The following PDLIM5 variants were observed in gnomAD, a reference collection of about 807,000 sequenced individuals.
PDLIM5 encodes PDZ and LIM domain protein 5.
A neutral mutation model predicts 64.2 loss-of-function variants in PDLIM5; 34 were observed. The ratio of observed to expected loss-of-function variants is 0.53; its 90% CI spans 0.40 to 0.71. The LOEUF is 0.71. Ranked by LOEUF, PDLIM5 falls within the 30% of genes least tolerant of loss-of-function variation. The pLI is 0.00. For synonymous variants in PDLIM5, 253 were observed against 269.1 expected, an observed-to-expected ratio of 0.94 and a Z score of 0.59; for missense variants, 683 against 733.6, an observed-to-expected ratio of 0.93 and a Z score of 0.80.
chr4:94,581,404 T>C (rs1169404946), intron 5 of PDLIM5, among the ~76,000 whole-genome samples: 1 of 152,180 alleles, frequency 6.6e-6, no homozygotes, highest in Non-Finnish European at 1.5e-5. Flanking sequence ...TGTTTAAATA[T>C]ACATCTAAAA....
Position 94,610,080 on chromosome 4 carries a change from G to A in PDLIM5, c.921-7924G>A, listed in dbSNP as rs571389063. ...AATGCTTAGATATTAATATGAAATG[G>A]TTGCTCTCTTGTATTTATTATGCTA... On this transcript the variant is annotated intron_variant, in intron 7 of 12. Transcript: ENST00000317968. 1.0e-4 allele frequency: 72 copies of A among 719,666 alleles called. No individual in the cohort carries two copies. In the East Asian group the frequency reaches 2.0e-3, roughly 20 times the overall value. The allele number at this position is 719,666 out of a possible 1,614,324, so 44.6% of individuals were successfully genotyped here.
intron 3 of PDLIM5, among the ~76,000 whole-genome samples, chr4:94,549,207 C>T (rs575622658): frequency 1.4e-4 from 21 of 152,230 alleles, no homozygotes; most frequent in Non-Finnish European, 2.2e-4. Context: ...GACATAATGC[C>T]TGCAAGTGTC....
At chr4:94,461,524 G>GTTT (rs10659138) in intron 2 of PDLIM5, among the ~76,000 whole-genome samples, 66 of 149,952 alleles carry the variant, frequency 4.4e-4, no homozygotes, top group African/African-American at 5.4e-4. Flanking sequence ...TTATTAAGAG[G>GTTT]TTTTTTTTTT....
intron 2 of PDLIM5, among the ~76,000 whole-genome samples, chr4:94,499,100 T>C (rs1375441187): frequency 2.6e-5 from 4 of 152,168 alleles, no homozygotes; most frequent in African/African-American, 4.8e-5. Flanking sequence ...ATAAGATTGG[T>C]TAGACCAAAT....
chr4:94,659,008 C>T (rs1191734998), intron 11 of PDLIM5, among the ~76,000 whole-genome samples: 1 of 152,148 alleles, frequency 6.6e-6, no homozygotes, highest in Non-Finnish European at 1.5e-5. Context: ...ATAAAACAGT[C>T]TAGCCTTAAT....
chr4:94,633,844 A>T (rs1243802548), intron 8 of PDLIM5, among the ~76,000 whole-genome samples: 2 of 152,170 alleles, frequency 1.3e-5, no homozygotes, highest in Non-Finnish European at 2.9e-5. Context: ...TTTGTATAGG[A>T]TGGTCCAGGA....
chr4:94,518,516 A>T (rs571563316), intron 2 of PDLIM5, among the ~76,000 whole-genome samples: 48 of 152,308 alleles, frequency 3.2e-4, no homozygotes, highest in Admixed American at 1.4e-3. Flanking sequence ...GGAACATTGT[A>T]TGTGGAGGCT....
chr4:94,574,313 C>T (rs1311653858), intron 4 of PDLIM5, among the ~76,000 whole-genome samples: 2 of 152,046 alleles, frequency 1.3e-5, no homozygotes, highest in East Asian at 1.9e-4. Context: ...GCCTGGCCAA[C>T]ATGGTGATAC....
chr4:94,526,926 A>C (rs1730414283), intron 3 of PDLIM5, among the ~76,000 whole-genome samples: 1 of 147,814 alleles, frequency 6.8e-6, no homozygotes, highest in Non-Finnish European at 1.5e-5. Context: ...GTAGAGATGG[A>C]GTTTCGTCAT....
intron 7 of PDLIM5, among the ~76,000 whole-genome samples, chr4:94,612,517 T>C (rs1045625073): frequency 7.2e-5 from 11 of 152,278 alleles, no homozygotes; most frequent in Admixed American, 1.3e-4. Flanking sequence ...CTATAGATCC[T>C]CTCTCCAGAA....
chr4:94,495,703 G>GC (rs1578252095), intron 2 of PDLIM5, among the ~76,000 whole-genome samples: 1 of 152,162 alleles, frequency 6.6e-6, no homozygotes, highest in Admixed American at 6.6e-5. Context: ...GAGGGAGGAG[G>GC]CCCCCAGTGA....
chr4:94,664,215 C>A lies in PDLIM5; in HGVS notation c.*148C>A, dbSNP rs937990374. 44 of 1,212,030 alleles carry A rather than the reference C, an allele frequency of 3.6e-5. No individual in the cohort carries two copies. In the African/African-American group the frequency reaches 6.6e-4, roughly 18 times the overall value. The allele number at this position is 1,212,030 out of a possible 1,614,324, so 75.1% of individuals were successfully genotyped here. A position where few individuals can be genotyped will look rare whatever the true frequency, so the allele number is the denominator to read the frequency against. ...TAAATTCCAGCTTTAAAAACCAAGT[C>A]TGAGGAAATATTTGGCTTCATAAAG... is the stretch of plus-strand genomic sequence containing the variant. On this transcript the variant is annotated 3_prime_UTR_variant, in exon 13 of 13. Coordinates refer to ENST00000317968, the MANE Select transcript of PDLIM5 (RefSeq NM_006457.5).
chr4:94,634,746 A>G (rs1222526528), intron 8 of PDLIM5, among the ~76,000 whole-genome samples: 2 of 152,270 alleles, frequency 1.3e-5, no homozygotes, highest in Non-Finnish European at 2.9e-5. Flanking sequence ...GAACAGGAAC[A>G]GAGACCAAAA....
At chr4:94,619,206 C>T (rs1319552731) in intron 8 of PDLIM5, among the ~76,000 whole-genome samples, 2 of 152,126 alleles carry the variant, frequency 1.3e-5, no homozygotes, top group Non-Finnish European at 2.9e-5. Context: ...TATTATTTCT[C>T]AAATTTCTTC....
chr4:94,512,097 T>C (rs1007895125), intron 2 of PDLIM5, among the ~76,000 whole-genome samples: 4 of 152,102 alleles, frequency 2.6e-5, no homozygotes, highest in Middle Eastern at 3.4e-3. Context: ...CTCGGCTCAC[T>C]GCAACGTCCA....
chr4:94,570,669 C>T (rs1734730099), intron 3 of PDLIM5, among the ~76,000 whole-genome samples: 1 of 152,142 alleles, frequency 6.6e-6, no homozygotes, highest in Non-Finnish European at 1.5e-5. Context: ...TCCTTCTGCA[C>T]TCTTGAGTGC....
chr4:94,475,888 C>G (rs1331006215), intron 2 of PDLIM5, among the ~76,000 whole-genome samples: 1 of 152,124 alleles, frequency 6.6e-6, no homozygotes, highest in Non-Finnish European at 1.5e-5. Context: ...GACATAGCCT[C>G]TATATTTCAA....
intron 2 of PDLIM5, among the ~76,000 whole-genome samples, chr4:94,464,728 G>C (rs907780117): frequency 6.6e-6 from 1 of 152,102 alleles, no homozygotes; most frequent in Non-Finnish European, 1.5e-5. Context: ...TCCTACAAAT[G>C]GTTGTTTTGA....
chr4:94,665,162 C>T lies in PDLIM5; in HGVS notation c.*1095C>T, dbSNP rs1036011485. 9.4e-6 allele frequency: 9 copies of T among 957,938 alleles called. No individual in the cohort carries two copies. The highest frequency in any genetic ancestry group is 5.3e-4 in the Middle Eastern group (1 of 1,892). The allele number at this position is 957,938 out of a possible 1,614,324, so 59.3% of individuals were successfully genotyped here. A position where few individuals can be genotyped will look rare whatever the true frequency, so the allele number is the denominator to read the frequency against. On this transcript the variant is annotated 3_prime_UTR_variant, in exon 13 of 13. Coordinates refer to ENST00000317968, the MANE Select transcript of PDLIM5 (RefSeq NM_006457.5). Reference sequence around the variant, plus strand: ...AAAGATTTAATTAAATAATTTTGGCCTCTCATAGTTTTCTCTCTCTTTAAA... The same window carrying T: ...AAAGATTTAATTAAATAATTTTGGCTTCTCATAGTTTTCTCTCTCTTTAAA...
Sources: gnomAD v4.1 joint callset for allele counts (sites outside exome capture counted in the v4.1 genomes callset) on GRCh38, gnomAD v4.1.1 for gene constraint, MANE v1.5 for transcripts, NCBI Gene and HGNC (gene_info 2026-07-23, HGNC 2026-07-21) for gene names.